The following PRKN variants were observed in gnomAD, a reference collection of about 807,000 sequenced individuals.
PRKN encodes the protein E3 ubiquitin-protein ligase parkin.
A neutral mutation model predicts 59.5 loss-of-function variants in PRKN; 56 were observed. The observed-to-expected ratio is 0.94, with a 90% CI of 0.76 to 1.18. The LOEUF is 1.18. Ranked by LOEUF, PRKN falls within the 50% of genes most tolerant of loss-of-function variation. The pLI is 0.00. For missense variants in PRKN, 657 were observed against 596.4 expected, an observed-to-expected ratio of 1.10 and a Z score of -1.06; for synonymous variants, 250 against 222.1, an observed-to-expected ratio of 1.13 and a Z score of -1.12.
At chr6:162,244,081 C>T (rs887785294) in intron 3 of PRKN, among the ~76,000 whole-genome samples, 7 of 152,038 alleles carry the variant, frequency 4.6e-5, no homozygotes, top group African/African-American at 2.4e-5. Flanking sequence ...TGTAATGCAA[C>T]CTAACAAGCA....
rs567049660 is a variant in PRKN, at chr6:161,844,804, G to A, written c.735-58896C>T. Among the ~76,000 whole-genome samples the A allele has an allele frequency of 8.7e-4, 133 of 152,350 alleles. 1 individual carries two copies. The highest frequency in any genetic ancestry group is 2.9e-3 in the African/African-American group (122 of 41,590). On this transcript the variant is annotated intron_variant, in intron 6 of 11. Transcript: ENST00000366898. Reference sequence around the variant, plus strand: ...CCCCGGAAGCAGAATCACACGCTTCGCTTCAGGCCTGCCTGCCTCCTGGTG... The same window carrying A: ...CCCCGGAAGCAGAATCACACGCTTCACTTCAGGCCTGCCTGCCTCCTGGTG...
At chr6:162,241,795 G>T (rs138228179) in intron 3 of PRKN, among the ~76,000 whole-genome samples, 1,827 of 152,116 alleles carry the variant, frequency 0.012, 20 homozygotes, top group Admixed American at 0.017. Context: ...ATGAAACTCA[G>T]TGTTTTCTCA....
At chr6:161,565,129 C>T (rs1354740409) in intron 8 of PRKN, among the ~76,000 whole-genome samples, 1 of 152,136 alleles carries the variant, frequency 6.6e-6, no homozygotes, top group Non-Finnish European at 1.5e-5. Context: ...TAGATTCACC[C>T]TCAGCTTACA....
chr6:162,523,754 T>C (rs892288452), intron 1 of PRKN, among the ~76,000 whole-genome samples: 5 of 152,042 alleles, frequency 3.3e-5, no homozygotes, highest in Admixed American at 6.6e-5. Flanking sequence ...TAGTGGCTCA[T>C]GCGTATAATC....
intron 7 of PRKN, among the ~76,000 whole-genome samples, chr6:161,691,912 G>A (rs1785812536): frequency 6.6e-6 from 1 of 152,068 alleles, no homozygotes; most frequent in African/African-American, 2.4e-5. Context: ...CTTAGCGAGT[G>A]GGCAAACAGC....
intron 4 of PRKN, among the ~76,000 whole-genome samples, chr6:162,101,576 G>A (rs1583033315): frequency 6.6e-6 from 1 of 151,940 alleles, no homozygotes; most frequent in African/African-American, 2.4e-5. Context: ...GGAGGCTGAG[G>A]CAGGAGAATG....
At chr6:161,679,555 T>A (rs1436792672) in intron 7 of PRKN, among the ~76,000 whole-genome samples, 1 of 132,304 alleles carries the variant, frequency 7.6e-6, no homozygotes, top group African/African-American at 2.8e-5. Context: ...GAGTTTCAAG[T>A]CTTTTTTTTT....
At chr6:162,367,588 T>A (rs1320571691) in intron 2 of PRKN, among the ~76,000 whole-genome samples, 3 of 152,150 alleles carry the variant, frequency 2.0e-5, no homozygotes, top group African/African-American at 7.2e-5. Flanking sequence ...GATTCCTAAA[T>A]GTGGACTCAA....
At chr6:161,528,547 T>C (rs1003576493) in intron 9 of PRKN, among the ~76,000 whole-genome samples, 2 of 152,184 alleles carry the variant, frequency 1.3e-5, no homozygotes, top group Non-Finnish European at 2.9e-5. Flanking sequence ...CTTTCTCAAC[T>C]GTGTCCAAGT....
At chr6:162,516,763 G>A (rs1583707263) in intron 1 of PRKN, among the ~76,000 whole-genome samples, 2 of 136,884 alleles carry the variant, frequency 1.5e-5, no homozygotes, top group Non-Finnish European at 3.1e-5. Context: ...ACTCTACCAT[G>A]AAAAAAAAAA....
Position 162,035,180 on chromosome 6 carries a change from G to T in PRKN, c.618+18911C>A, listed in dbSNP as rs564253676. ...CCAGAGAGAGATATATATATATATAGAGAGAGGCTAGGCTCTTTTTAACAA... is the reference window on the plus strand; with the variant it reads ...CCAGAGAGAGATATATATATATATATAGAGAGGCTAGGCTCTTTTTAACAA... On this transcript the variant is annotated intron_variant, in intron 5 of 11. Transcript: ENST00000366898. Among the ~76,000 whole-genome samples, 195 of 151,298 alleles carry T rather than the reference G, an allele frequency of 1.3e-3. 1 individual carries two copies. Among genetic ancestry groups the T allele is most frequent in the African/African-American group, 4.3e-3 (179 of 41,150 alleles).
At position 161,576,147 on chromosome 6, in the gene PRKN, C is replaced by T. The variant is rs774380999; in HGVS notation, c.872-6731G>A. 6.6e-5 allele frequency among the ~76,000 whole-genome samples: 10 copies of T among 152,154 alleles called. No individual in the cohort carries two copies. Among genetic ancestry groups the T allele is most frequent in the African/African-American group, 1.4e-4 (6 of 41,436 alleles). On this transcript the variant is annotated intron_variant, in intron 7 of 11. Coordinates refer to ENST00000366898, the MANE Select transcript of PRKN (RefSeq NM_004562.3). This position sits in a 1 kb window ranked among gnomAD's most constrained non-coding sequence, Gnocchi z 4.6. Reference sequence around the variant, plus strand: ...CCCTGGAAAACTCACTAAGCTGTCTCGACAGAGTAATTGCATTCAGTCAGC... The same window carrying T: ...CCCTGGAAAACTCACTAAGCTGTCTTGACAGAGTAATTGCATTCAGTCAGC...
intron 1 of PRKN, among the ~76,000 whole-genome samples, chr6:162,468,037 T>C (rs912595825): frequency 7.9e-5 from 12 of 152,302 alleles, no homozygotes; most frequent in African/African-American, 2.9e-4. Context: ...TACTCTCTCA[T>C]CACCTTGTTT....
At chr6:161,933,439 C>A (rs191921874) in intron 6 of PRKN, among the ~76,000 whole-genome samples, 85 of 152,182 alleles carry the variant, frequency 5.6e-4, no homozygotes, top group African/African-American at 2.0e-3. Context: ...ACAAAAATAT[C>A]CTGAATGTTT....
chr6:161,856,488 T>C (rs1268566236), intron 6 of PRKN, among the ~76,000 whole-genome samples: 1 of 152,218 alleles, frequency 6.6e-6, no homozygotes, highest in East Asian at 1.9e-4. Flanking sequence ...TTTGAATCCT[T>C]CATATAAATT....
rs1777370999 is a variant in PRKN at position 161,487,544 on chromosome 6, C to A, written c.1083+61310G>T. Reference sequence around the variant, plus strand: ...TTCTAAGCCTTCACCATTTTGTAGACCATCTTATTCACATTTTGATGGTCG... The same window carrying A: ...TTCTAAGCCTTCACCATTTTGTAGAACATCTTATTCACATTTTGATGGTCG... On this transcript the variant is annotated intron_variant, in intron 9 of 11. Transcript: ENST00000366898. The surrounding 1 kb of genome is among the most constrained non-coding windows in gnomAD (Gnocchi z 5.3). Among the ~76,000 whole-genome samples, 1 of 152,152 alleles carries A rather than the reference C, an allele frequency of 6.6e-6. No homozygotes were observed. The highest frequency in any genetic ancestry group is 2.1e-4 in the South Asian group (1 of 4,822).
chr6:161,900,590 A>G (rs867225243), intron 6 of PRKN, among the ~76,000 whole-genome samples: 1 of 128,450 alleles, frequency 7.8e-6, no homozygotes, highest in Non-Finnish European at 1.6e-5. Flanking sequence ...ATTATATATT[A>G]ATATATTATA....
rs1320547804 is a variant in PRKN at position 162,195,307 on chromosome 6, T to C, written c.534+5824A>G. 2.0e-5 allele frequency among the ~76,000 whole-genome samples: 3 copies of C among 152,168 alleles called. No homozygotes were observed. The East Asian group carries it at 5.8e-4, about 29-fold the overall frequency. ...AAGCAAAGAGGGGATATCACACACT[T>C]AGGCAAAAACACCCCATGTGAAAAC... On this transcript the variant is annotated intron_variant, in intron 4 of 11. Transcript: ENST00000366898.
chr6:162,174,380 CT>C (rs1258073171), intron 4 of PRKN, among the ~76,000 whole-genome samples: 1 of 152,176 alleles, frequency 6.6e-6, no homozygotes, highest in Non-Finnish European at 1.5e-5. Context: ...TTGCCGTCCC[CT>C]CAACCACACA....
Sources: gnomAD v4.1 joint callset for allele counts (sites outside exome capture counted in the v4.1 genomes callset) on GRCh38, gnomAD v4.1.1 for gene constraint, Gnocchi (gnomAD v3.1) non-coding constraint, MANE v1.5 for transcripts, NCBI Gene and HGNC (gene_info 2026-07-23, HGNC 2026-07-21) for gene names.